JAZF1: variants seen among roughly 807,000 people sequenced by gnomAD.
JAZF1 encodes juxtaposed with another zinc finger protein 1.
A neutral mutation model predicts 26.4 loss-of-function variants in JAZF1; 8 were observed. The observed-to-expected ratio is 0.30, with a 90% CI of 0.18 to 0.55. The LOEUF (loss-of-function observed/expected upper bound fraction) is 0.55, where lower values mean the gene tolerates loss of function less well. Ranked by LOEUF, JAZF1 falls within the 20% of genes least tolerant of loss-of-function variation. The pLI is 0.94. For synonymous variants in JAZF1, 126 were observed against 122.3 expected (o/e 1.03, Z -0.20); for missense variants, 199 against 322.0 (o/e 0.62, Z 2.92).
chr7:27,931,256 G>T (rs973043555), intron 2 of JAZF1, among the ~76,000 whole-genome samples: 3 of 152,168 alleles, frequency 2.0e-5, no homozygotes, highest in Admixed American at 2.0e-4. Flanking sequence ...ATACATAAAT[G>T]AATATGTCTG....
chr7:28,062,229 C>A (rs960107003), intron 1 of JAZF1, among the ~76,000 whole-genome samples: 21 of 152,104 alleles, frequency 1.4e-4, no homozygotes, highest in African/African-American at 4.3e-4. Flanking sequence ...GGACTGGACT[C>A]GAAGCATTTC....
chr7:27,863,488 G>A (rs1246199546), intron 3 of JAZF1, among the ~76,000 whole-genome samples: 1 of 152,176 alleles, frequency 6.6e-6, no homozygotes, highest in Non-Finnish European at 1.5e-5. Flanking sequence ...TCCCTGCCGA[G>A]GGAGCCCGTC....
chr7:28,041,983 T>C (rs558082178), intron 1 of JAZF1, among the ~76,000 whole-genome samples: 1 of 152,192 alleles, frequency 6.6e-6, no homozygotes, highest in Admixed American at 6.5e-5. Context: ...ACACATTCTC[T>C]GTACAGTCAC....
intron 3 of JAZF1, among the ~76,000 whole-genome samples, chr7:27,867,913 A>G (rs942619818): frequency 6.6e-6 from 1 of 152,156 alleles, no homozygotes; most frequent in Non-Finnish European, 1.5e-5. Flanking sequence ...TGACCCTGGC[A>G]ATGCTTTTCC....
intron 2 of JAZF1, among the ~76,000 whole-genome samples, chr7:27,897,673 G>C (rs191432429): frequency 1.3e-5 from 2 of 152,304 alleles, no homozygotes; most frequent in East Asian, 3.9e-4. Flanking sequence ...CTTGTAGCTG[G>C]GCATGGCCCT....
At chr7:27,881,424 G>T (rs1346356083) in intron 3 of JAZF1, among the ~76,000 whole-genome samples, 2 of 152,224 alleles carry the variant, frequency 1.3e-5, no homozygotes, top group Non-Finnish European at 2.9e-5. Context: ...CAGAAACCAA[G>T]TGGCTTTAAT....
chr7:28,117,405 A>G (rs1408778869), intron 1 of JAZF1, among the ~76,000 whole-genome samples: 1 of 152,168 alleles, frequency 6.6e-6, no homozygotes, highest in Non-Finnish European at 1.5e-5. Context: ...CTTTTTTCCA[A>G]CTGAGGTAGA....
chr7:28,007,739 T>C (rs2128369383), intron 1 of JAZF1, among the ~76,000 whole-genome samples: 1 of 152,300 alleles, frequency 6.6e-6, no homozygotes, highest in Non-Finnish European at 1.5e-5. Flanking sequence ...CATGCCTCTT[T>C]CCCTTTTTTA....
chr7:27,929,664 G>A (rs1784654452), intron 2 of JAZF1, among the ~76,000 whole-genome samples: 1 of 152,138 alleles, frequency 6.6e-6, no homozygotes, highest in South Asian at 2.1e-4. Flanking sequence ...AATTTCTCAT[G>A]GGTAAAATGA....
At chr7:27,967,979 T>C (rs1009105463) in intron 2 of JAZF1, among the ~76,000 whole-genome samples, 1 of 152,190 alleles carries the variant, frequency 6.6e-6, no homozygotes, top group Non-Finnish European at 1.5e-5. Context: ...TAATAATATA[T>C]TAGAAATGAG....
At chr7:28,060,082 G>C (rs1035307264) in intron 1 of JAZF1, among the ~76,000 whole-genome samples, 27 of 151,846 alleles carry the variant, frequency 1.8e-4, no homozygotes, top group Admixed American at 4.6e-4. Flanking sequence ...TTATCTCCTA[G>C]CTTATTAATT....
chr7:28,077,869 A>C (rs1483506997), intron 1 of JAZF1, among the ~76,000 whole-genome samples: 2 of 152,162 alleles, frequency 1.3e-5, no homozygotes, highest in Admixed American at 1.3e-4. Context: ...AGGAAGTGGT[A>C]ATTTGGATTA....
chr7:27,991,996 C>T lies in JAZF1; in HGVS notation c.116-15G>A. The T allele has an allele frequency of 2.0e-6, 3 of 1,522,440 alleles. No individual in the cohort carries two copies. The highest frequency in any genetic ancestry group is 1.4e-5 in the African/African-American group (1 of 73,158). 94.3% of individuals were successfully genotyped at this position (1,522,440 alleles called of 1,614,324 possible). A position where few individuals can be genotyped will look rare whatever the true frequency, so the allele number is the denominator to read the frequency against. ...TGGATCTGTATCTGTAATAAAAACA[C>T]AATTACGATTTTTTTTAGATTTTGC... On this transcript the variant is annotated splice_polypyrimidine_tract_variant and intron_variant, in intron 1 of 4. Transcript: ENST00000283928.
chr7:28,178,775 C>T (rs183588499), intron 1 of JAZF1, among the ~76,000 whole-genome samples: 75 of 152,312 alleles, frequency 4.9e-4, no homozygotes, highest in Admixed American at 9.2e-4. Context: ...CCAAAACTTG[C>T]CCAGCTCTTC....
chr7:28,070,960 T>A (rs1423554384), intron 1 of JAZF1, among the ~76,000 whole-genome samples: 2 of 152,160 alleles, frequency 1.3e-5, no homozygotes, highest in Non-Finnish European at 2.9e-5. Context: ...TTCAATAAAT[T>A]TGATTGACTG....
intron 1 of JAZF1, among the ~76,000 whole-genome samples, chr7:28,029,535 A>G (rs993646286): frequency 2.0e-5 from 3 of 152,252 alleles, no homozygotes; most frequent in African/African-American, 7.2e-5. Context: ...TGTATCACAG[A>G]TAAAAATGGC....
rs567450422 is a variant in JAZF1, at chr7:27,892,359, G to A, written c.385+2861C>T. 5.9e-5 allele frequency among the ~76,000 whole-genome samples: 9 copies of A among 152,310 alleles called. No homozygotes were observed. The South Asian group carries it at 1.2e-3, about 21-fold the overall frequency. On this transcript the variant is annotated intron_variant, in intron 3 of 4. Coordinates refer to ENST00000283928, the MANE Select transcript of JAZF1 (RefSeq NM_175061.4). Reference sequence around the variant, plus strand: ...GGGAAATTGCTAAAATAGGCAAGGTGTCAGAAAGATTTCTTTATGTCTGAA... The same window carrying A: ...GGGAAATTGCTAAAATAGGCAAGGTATCAGAAAGATTTCTTTATGTCTGAA...
chr7:28,008,856 C>T (rs2128369649), intron 1 of JAZF1, among the ~76,000 whole-genome samples: 1 of 152,324 alleles, frequency 6.6e-6, no homozygotes, highest in South Asian at 2.1e-4. Flanking sequence ...AAAAGCCATT[C>T]TGATTCACTA....
chr7:27,879,785 T>C (rs1039583551), intron 3 of JAZF1, among the ~76,000 whole-genome samples: 6 of 152,126 alleles, frequency 3.9e-5, no homozygotes, highest in African/African-American at 1.4e-4. Flanking sequence ...TAATTTGGCA[T>C]CTAAGTAACA....
Sources: allele counts gnomAD v4.1 joint callset (sites outside exome capture counted in the v4.1 genomes callset), GRCh38; gene constraint gnomAD v4.1.1; transcripts MANE v1.5; gene names NCBI Gene and HGNC (gene_info 2026-07-23, HGNC 2026-07-21).